DNASE1: variants seen among roughly 807,000 people sequenced by gnomAD.
The protein encoded by DNASE1 is deoxyribonuclease-1.
DNASE1 carries 40 observed loss-of-function variants against 33.9 expected under a neutral mutation model. The observed-to-expected ratio is 1.18, with a 90% confidence interval of 0.92 to 1.54. The LOEUF is 1.54. DNASE1 is among the 40% of genes most tolerant of loss of function. The pLI, the probability that DNASE1 is intolerant of heterozygous loss-of-function variation, is 0.00. For synonymous variants in DNASE1, 216 were observed against 160.0 expected, an observed-to-expected ratio of 1.35 and a Z score of -2.64; for missense variants, 518 against 372.6, an observed-to-expected ratio of 1.39 and a Z score of -3.21.
At chr16:3,662,575 A>G, downstream of DNASE1, 1 of 598,786 alleles carries the variant, frequency 1.7e-6, no homozygotes, top group Admixed American at 2.2e-5. Flanking sequence ...GGGCTGGGGT[A>G]GCATGTCCCT....
intron 1 of DNASE1, among the ~76,000 whole-genome samples, chr16:3,627,608 T>A (rs970630365): frequency 6.6e-6 from 1 of 152,178 alleles, no homozygotes; most frequent in Non-Finnish European, 1.5e-5. Flanking sequence ...TGATATGATA[T>A]CCATGTTCTT....
chr16:3,663,971 G>A, exon 10 of DNASE1: 1 of 354,216 alleles, frequency 2.8e-6, no homozygotes, highest in Non-Finnish European at 5.1e-6. Context: ...GCTGAGGCAG[G>A]AGAATGACCT....
At chr16:3,625,669 T>TA (rs1398900642) in intron 1 of DNASE1, among the ~76,000 whole-genome samples, 3 of 151,830 alleles carry the variant, frequency 2.0e-5, no homozygotes, top group Admixed American at 1.3e-4. Flanking sequence ...ATAAAGGTGC[T>TA]AAAAAAGGCA....
upstream of DNASE1, among the ~76,000 whole-genome samples, chr16:3,642,182 T>A (rs988812053): frequency 2.6e-4 from 39 of 152,176 alleles, no homozygotes; most frequent in Admixed American, 1.3e-4. Flanking sequence ...CTCAGCCTTT[T>A]GCTTGGGGCC....
intron 1 of DNASE1, among the ~76,000 whole-genome samples, chr16:3,628,275 G>T (rs961996476): frequency 2.0e-5 from 3 of 151,992 alleles, no homozygotes; most frequent in Non-Finnish European, 4.4e-5. Context: ...AATGATTTTT[G>T]TGTGCTGACT....
intron 7 of DNASE1, 93 bp from the exon 8 acceptor site, chr16:3,657,627 C>T (rs2042768102): frequency 9.1e-6 from 14 of 1,539,476 alleles, no homozygotes; most frequent in Non-Finnish European, 1.1e-5. Context: ...CCTGCACTGG[C>T]AGGTCCCAGG....
intron 1 of DNASE1, among the ~76,000 whole-genome samples, chr16:3,629,823 TTTG>T (rs1427319842): frequency 6.6e-6 from 1 of 152,186 alleles, no homozygotes; most frequent in Non-Finnish European, 1.5e-5. Context: ...AATTTGTTTT[TTTG>T]TTTTTAAAAC....
At chr16:3,620,893 C>G (rs1323138301) in intron 1 of DNASE1, among the ~76,000 whole-genome samples, 2 of 152,058 alleles carry the variant, frequency 1.3e-5, no homozygotes, top group East Asian at 3.9e-4. Context: ...CTCCGCTCCC[C>G]AGGTTCAAGC....
At chr16:3,623,336 TAACTC>T (rs1414168835) in intron 1 of DNASE1, among the ~76,000 whole-genome samples, 7 of 152,272 alleles carry the variant, frequency 4.6e-5, no homozygotes, top group Admixed American at 2.0e-4. Flanking sequence ...ATACAAAAAT[TAACTC>T]AAAGACTTAA....
Position 3,656,164 on chromosome 16 carries a change from A to G in DNASE1, c.299A>G (p.Glu100Gly). Reference sequence around the variant, plus strand: ...CCACTGGGACGGAACAGCTATAAGGAGCGCTACCTGTTCGTGTACAGGTGG... The same window carrying G: ...CCACTGGGACGGAACAGCTATAAGGGGCGCTACCTGTTCGTGTACAGGTGG... Reference protein sequence around the residue: ...SEPLGRNSYKERYLFVYRPDQ... With the variant: ...SEPLGRNSYKGRYLFVYRPDQ... Residue 100 changes from glutamate to glycine, a missense_variant, in exon 4 of 9, where the codon GAG (glutamate) becomes GGG (glycine). Coordinates refer to ENST00000246949, the MANE Select transcript of DNASE1 (RefSeq NM_005223.4). 6.2e-7 allele frequency: 1 copy of G among 1,614,022 alleles called. No individual in the cohort carries two copies.
upstream of DNASE1, among the ~76,000 whole-genome samples, chr16:3,640,471 T>C (rs899509115): frequency 6.6e-6 from 1 of 152,230 alleles, no homozygotes; most frequent in East Asian, 1.9e-4. Flanking sequence ...GGTGCAGTCA[T>C]AGGATGTGCT....
chr16:3,655,046 T>G lies in DNASE1; in HGVS notation c.-2+2T>G, dbSNP rs189667674. On this transcript the variant is annotated splice_donor_variant, in intron 1 of 8. Transcript: ENST00000246949. LOFTEE classifies it low-confidence loss of function (5UTR_SPLICE). ...CTGAGGACATCACCATCATCTCAGG[T>G]GAGCACCAGGTGGAGTGCCTCTGGG... 9 of 573,926 alleles carry G rather than the reference T, an allele frequency of 1.6e-5. No individual in the cohort carries two copies. The highest frequency in any genetic ancestry group is 1.9e-5 in the African/African-American group (1 of 53,690). 35.6% of individuals were successfully genotyped at this position (573,926 alleles called of 1,614,324 possible).
At chr16:3,648,930 CTTCTT>C (rs1444267456) in intron 1 of DNASE1, among the ~76,000 whole-genome samples, 1 of 152,108 alleles carries the variant, frequency 6.6e-6, no homozygotes, top group South Asian at 2.1e-4. Flanking sequence ...TTCTGCCTCT[CTTCTT>C]CTTTTCATTT....
chr16:3,643,831 G>A (rs973575655), intron 1 of DNASE1, among the ~76,000 whole-genome samples: 2 of 151,948 alleles, frequency 1.3e-5, no homozygotes, highest in Non-Finnish European at 2.9e-5. Flanking sequence ...GCGCGATCTC[G>A]GCTCACTGCA....
chr16:3,654,776 A>G lies in DNASE1; in HGVS notation c.-270A>G, dbSNP rs1032326270. ...CCTATGCGGAAAGCCACACAGAGCC[A>G]TTGTTTTCTGCACTCTCAGGTGACG... is the stretch of plus-strand genomic sequence containing the variant. On this transcript the variant is annotated 5_prime_UTR_variant, in exon 1 of 9. Transcript: ENST00000246949. 2.5e-6 allele frequency: 1 copy of G among 400,524 alleles called. No homozygotes were observed. Among genetic ancestry groups the G allele is most frequent in the Non-Finnish European group, 4.4e-6 (1 of 227,502 alleles). 24.8% of individuals were successfully genotyped at this position (400,524 alleles called of 1,614,324 possible).
chr16:3,630,479 C>T (rs1262965470), intron 1 of DNASE1, among the ~76,000 whole-genome samples: 2 of 152,148 alleles, frequency 1.3e-5, no homozygotes, highest in Non-Finnish European at 2.9e-5. Flanking sequence ...CTGTTTCTGG[C>T]TATTTCTCCC....
intron 1 of DNASE1, among the ~76,000 whole-genome samples, chr16:3,621,601 A>G (rs546631766): frequency 1.3e-5 from 2 of 152,268 alleles, no homozygotes; most frequent in South Asian, 4.1e-4. Context: ...CATTTTACCC[A>G]TTGTTCTGAA....
At chr16:3,662,845 G>T, downstream of DNASE1, 1 of 1,605,374 alleles carries the variant, frequency 6.2e-7, no homozygotes, top group Non-Finnish European at 8.5e-7. Context: ...TAGGGACACT[G>T]CGGCCAAGTG....
downstream of DNASE1, chr16:3,661,672 C>T (rs987777554): frequency 8.4e-5 from 26 of 308,360 alleles, no homozygotes; most frequent in African/African-American, 4.7e-4. Flanking sequence ...CCAAGATCCA[C>T]GTACAAAGCT....
Sources: gnomAD v4.1 joint callset for allele counts (sites outside exome capture counted in the v4.1 genomes callset) on GRCh38, gnomAD v4.1.1 for gene constraint, MANE v1.5 for transcripts, NCBI Gene and HGNC (gene_info 2026-07-23, HGNC 2026-07-21) for gene names.